Variants in SYT12 observed in about 807,000 individuals in gnomAD.
SYT12 encodes the protein synaptotagmin 12, also known as synaptotagmin-12.
In SYT12, 27 loss-of-function variants were observed where a neutral mutation model predicts 39.5. The observed-to-expected ratio is 0.68, with a 90% CI of 0.50 to 0.94. The LOEUF (loss-of-function observed/expected upper bound fraction) is 0.94, where lower values mean the gene tolerates loss of function less well. SYT12 is among the 40% of genes least tolerant of loss of function. SYT12 has a pLI of 0.00. For synonymous variants in SYT12, 233 were observed against 239.7 expected, an observed-to-expected ratio of 0.97 and a Z score of 0.26; for missense variants, 536 against 572.6, an observed-to-expected ratio of 0.94 and a Z score of 0.65.
intron 3 of SYT12, among the ~76,000 whole-genome samples, chr11:67,015,949 C>T (rs1479960693): frequency 6.6e-6 from 1 of 152,016 alleles, no homozygotes; most frequent in Non-Finnish European, 1.5e-5. Flanking sequence ...CTGGGAAGGC[C>T]AGTGGGCTCA....
At chr11:67,035,659 A>G (rs369465034) in intron 3 of SYT12, among the ~76,000 whole-genome samples, 218 of 151,148 alleles carry the variant, frequency 1.4e-3, no homozygotes, top group South Asian at 2.9e-3. Flanking sequence ...GGGTTTCACC[A>G]TGTTAGCCAG....
At chr11:67,019,530 A>C (rs924186659), upstream of SYT12, among the ~76,000 whole-genome samples, 2 of 151,890 alleles carry the variant, frequency 1.3e-5, no homozygotes, top group African/African-American at 4.8e-5. Flanking sequence ...AGTACGGGGG[A>C]AACCGCCCCC....
chr11:67,026,744 T>C (rs1950186361), intron 1 of SYT12: 1 of 152,150 alleles, frequency 6.6e-6, no homozygotes, highest in Admixed American at 6.5e-5. Context: ...GCCTCCCCAG[T>C]AGCTGGGACT....
chr11:67,048,265 T>C (rs1265440978), intron 7 of SYT12, among the ~76,000 whole-genome samples: 1 of 139,464 alleles, frequency 7.2e-6, no homozygotes, highest in African/African-American at 2.8e-5. Flanking sequence ...AGTGAGACTG[T>C]CTCAAAAAAA....
In SYT12 at chr11:67,023,395, C is replaced by A. The variant is rs1264512186; in HGVS notation, c.-89C>A. The A allele has an allele frequency of 6.7e-6, 1 of 149,862 alleles. No homozygotes were observed. Among genetic ancestry groups the A allele is most frequent in the Admixed American group, 6.6e-5 (1 of 15,060 alleles). 9.3% of individuals were successfully genotyped at this position (149,862 alleles called of 1,614,324 possible). On this transcript the variant is annotated 5_prime_UTR_variant, in exon 1 of 8. Transcript: ENST00000527043. ...CGGCCGGGCTAGGCGCAGGTGCGTG[C>A]GCGCTGCGGGAGGCGGGCCGGCAGC...
Position 67,048,841 on chromosome 11 carries a change from G to T in SYT12, c.*84G>T. 2.0e-6 allele frequency: 3 copies of T among 1,471,956 alleles called. No individual in the cohort carries two copies. The highest frequency in any genetic ancestry group is 1.3e-5 in the South Asian group (1 of 78,012). 91.2% of individuals were successfully genotyped at this position (1,471,956 alleles called of 1,614,324 possible). ...TGTCTGATGCCCTCTCCATAGCCCA[G>T]CTGGAGCCGTGAACACTGGGGTCCC... On this transcript the variant is annotated 3_prime_UTR_variant, in exon 8 of 8. Transcript: ENST00000527043.
chr11:67,048,437 C>A, intron 7 of SYT12, 147 bp from the exon 8 acceptor site: 1 of 767,966 alleles, frequency 1.3e-6, no homozygotes, highest in Non-Finnish European at 2.0e-6. Context: ...TGGGGCAAGT[C>A]TCCTCACCTC....
At chr11:67,039,488 C>A (rs961885614) in intron 3 of SYT12, among the ~76,000 whole-genome samples, 2 of 151,890 alleles carry the variant, frequency 1.3e-5, no homozygotes, top group African/African-American at 4.8e-5. Context: ...GTGGCGCACC[C>A]CTGTAATCCC....
At chr11:67,008,240 C>T (rs1204151438) in intron 1 of SYT12, among the ~76,000 whole-genome samples, 1 of 152,172 alleles carries the variant, frequency 6.6e-6, no homozygotes, top group African/African-American at 2.4e-5. Context: ...AGGCTTGAGC[C>T]ATCACACCCG....
chr11:67,037,897 GAAAA>G, intron 3 of SYT12, among the ~76,000 whole-genome samples: 1 of 135,994 alleles, frequency 7.4e-6, no homozygotes, highest in East Asian at 2.2e-4. Flanking sequence ...AAAAAAAAAA[GAAAA>G]AAAAAAAGCC....
At chr11:67,045,440 C>G (rs1208274545) in intron 6 of SYT12, among the ~76,000 whole-genome samples, 1 of 152,120 alleles carries the variant, frequency 6.6e-6, no homozygotes, top group Non-Finnish European at 1.5e-5. Context: ...CGTCTGCACT[C>G]GGGCCATTTA....
intron 3 of SYT12, among the ~76,000 whole-genome samples, chr11:67,037,083 T>TAAAAC (rs1344498122): frequency 2.6e-5 from 4 of 151,100 alleles, no homozygotes; most frequent in Non-Finnish European, 5.9e-5. Context: ...TCAAACAAAA[T>TAAAAC]AAAACAAAAC....
intron 3 of SYT12, among the ~76,000 whole-genome samples, chr11:67,017,044 GA>G (rs1160781536): frequency 2.0e-5 from 3 of 152,216 alleles, no homozygotes; most frequent in Non-Finnish European, 2.9e-5. Context: ...ATTTGCTGAT[GA>G]CTTGCTCTAT....
At chr11:67,035,347 T>TTTC (rs1555065768) in intron 3 of SYT12, among the ~76,000 whole-genome samples, 33 of 148,012 alleles carry the variant, frequency 2.2e-4, no homozygotes, top group African/African-American at 7.4e-4. Context: ...TTTTTTTTTT[T>TTTC]CAAAATGCTC....
intron 1 of SYT12, among the ~76,000 whole-genome samples, chr11:67,008,221 T>C (rs1017732848): frequency 1.3e-5 from 2 of 152,218 alleles, no homozygotes; most frequent in Admixed American, 1.3e-4. Flanking sequence ...CCCAAAGTGC[T>C]GAGATTACAG....
chr11:67,048,996 G>C lies in SYT12; in HGVS notation c.*239G>C, dbSNP rs1444760231. ...CCAGCTGTGGCTGGGCCAGGACAGAGGACTCAACCCTGCTCCTCCCGGTAG... is the reference window on the plus strand; with the variant it reads ...CCAGCTGTGGCTGGGCCAGGACAGACGACTCAACCCTGCTCCTCCCGGTAG... On this transcript the variant is annotated 3_prime_UTR_variant, in exon 8 of 8. Coordinates refer to ENST00000527043, the MANE Select transcript of SYT12 (RefSeq NM_177963.4). The C allele has an allele frequency of 2.2e-6, 1 of 462,788 alleles. No homozygotes were observed. The highest frequency in any genetic ancestry group is 3.9e-6 in the Non-Finnish European group (1 of 259,286). 28.7% of individuals were successfully genotyped at this position (462,788 alleles called of 1,614,324 possible). A position where few individuals can be genotyped will look rare whatever the true frequency, so the allele number is the denominator to read the frequency against.
At chr11:67,036,081 A>T (rs547403311) in intron 3 of SYT12, among the ~76,000 whole-genome samples, 3 of 147,450 alleles carry the variant, frequency 2.0e-5, no homozygotes, top group South Asian at 2.1e-4. Flanking sequence ...TGCCTAGCTA[A>T]TTTTTTTTTT....
chr11:67,008,361 G>T (rs953836919), intron 1 of SYT12, among the ~76,000 whole-genome samples: 1 of 152,042 alleles, frequency 6.6e-6, no homozygotes, highest in Admixed American at 6.6e-5. Flanking sequence ...TCCCACCTCT[G>T]TCACCTGCTG....
chr11:67,035,280 G>A (rs1009101034), intron 3 of SYT12, among the ~76,000 whole-genome samples: 26 of 150,074 alleles, frequency 1.7e-4, no homozygotes, highest in Admixed American at 5.3e-4. Flanking sequence ...AAGTGCTGGC[G>A]TGAGTCACCA....
Sources: gnomAD v4.1 joint callset for allele counts (sites outside exome capture counted in the v4.1 genomes callset) on GRCh38, gnomAD v4.1.1 for gene constraint, MANE v1.5 for transcripts, NCBI Gene and HGNC (gene_info 2026-07-23, HGNC 2026-07-21) for gene names.